Variants in GRAMD1B observed in about 807,000 individuals in gnomAD.
GRAMD1B encodes the protein GRAM domain containing 1B.
Under a neutral mutation model 99.7 loss-of-function variants are expected in GRAMD1B, and 37 were observed. The observed-to-expected ratio is 0.37, with a 90% CI of 0.29 to 0.49. GRAMD1B has a LOEUF of 0.49. Ranked by LOEUF, GRAMD1B falls within the 20% of genes least tolerant of loss-of-function variation. The pLI is 0.98. For synonymous variants in GRAMD1B, 427 were observed against 387.6 expected, an observed-to-expected ratio of 1.10 and a Z score of -1.19; for missense variants, 888 against 1,009.2, an observed-to-expected ratio of 0.88 and a Z score of 1.63.
chr11:123,478,533 C>T (rs1429450492), intron 1 of GRAMD1B, among the ~76,000 whole-genome samples: 2 of 152,162 alleles, frequency 1.3e-5, no homozygotes, highest in African/African-American at 4.8e-5. Flanking sequence ...GGTTCCGGTT[C>T]CTGAGGCTCC....
intron 1 of GRAMD1B, among the ~76,000 whole-genome samples, chr11:123,444,583 G>GTGT (rs1400793944): frequency 2.6e-5 from 4 of 152,088 alleles, no homozygotes; most frequent in African/African-American, 7.2e-5. Context: ...TCCATGGCCC[G>GTGT]AATTAGTTTT....
At chr11:123,373,436 C>T (rs1366121828) in intron 1 of GRAMD1B, among the ~76,000 whole-genome samples, 2 of 152,264 alleles carry the variant, frequency 1.3e-5, no homozygotes, top group East Asian at 1.9e-4. Flanking sequence ...AGAACTCTGG[C>T]GTTCCCTTTC....
intron 1 of GRAMD1B, among the ~76,000 whole-genome samples, chr11:123,410,225 A>C (rs1947994139): frequency 6.6e-6 from 1 of 152,088 alleles, no homozygotes; most frequent in Non-Finnish European, 1.5e-5. Flanking sequence ...AAACAAAAAA[A>C]CAGAAACAAA....
rs562038776 is a variant in GRAMD1B at position 123,509,608 on chromosome 11, G to T, written c.452+28715G>T. Reference sequence around the variant, plus strand: ...CTCTGGCACCGCAAACACACACAGTGAATATATGTACTGTGTTTTAAGTAG... The same window carrying T: ...CTCTGGCACCGCAAACACACACAGTTAATATATGTACTGTGTTTTAAGTAG... On this transcript the variant is annotated intron_variant, in intron 2 of 19. Coordinates refer to ENST00000635736, the MANE Select transcript of GRAMD1B (RefSeq NM_001387025.1). 7.2e-5 allele frequency among the ~76,000 whole-genome samples: 11 copies of T among 152,370 alleles called. No individual in the cohort carries two copies. In the East Asian group the frequency reaches 2.1e-3, roughly 29 times the overall value.
At chr11:123,577,796 G>A (rs561779732) in intron 3 of GRAMD1B, among the ~76,000 whole-genome samples, 1 of 146,458 alleles carries the variant, frequency 6.8e-6, no homozygotes, top group Admixed American at 7.0e-5. Context: ...GGGCGAGGTA[G>A]GGAGGCTCAT....
At chr11:123,504,446 C>T (rs977346455) in intron 2 of GRAMD1B, among the ~76,000 whole-genome samples, 1 of 152,190 alleles carries the variant, frequency 6.6e-6, no homozygotes, top group African/African-American at 2.4e-5. Flanking sequence ...TTCTCACCAC[C>T]TGTGTTCCTC....
chr11:123,438,697 A>T (rs571851066), intron 1 of GRAMD1B, among the ~76,000 whole-genome samples: 5 of 152,210 alleles, frequency 3.3e-5, no homozygotes, highest in Non-Finnish European at 7.4e-5. Context: ...TGCCAATTAC[A>T]CATCAGGTAA....
intron 1 of GRAMD1B, among the ~76,000 whole-genome samples, chr11:123,452,645 CA>C (rs556959788): frequency 2.1e-5 from 3 of 142,806 alleles, no homozygotes; most frequent in East Asian, 2.0e-4. Flanking sequence ...GACTCTGTCT[CA>C]AAAAAAAAAG....
chr11:123,531,286 G>A (rs527250896), intron 2 of GRAMD1B, among the ~76,000 whole-genome samples: 5 of 152,254 alleles, frequency 3.3e-5, no homozygotes, highest in South Asian at 2.1e-4. Context: ...AGCTCAGGGC[G>A]AGGACTGAAA....
intron 2 of GRAMD1B, among the ~76,000 whole-genome samples, chr11:123,565,101 A>G (rs943142014): frequency 2.0e-5 from 3 of 152,098 alleles, no homozygotes; most frequent in Non-Finnish European, 4.4e-5. Flanking sequence ...TGGTGTGACC[A>G]TAGCTTACTG....
Position 123,609,843 on chromosome 11 carries a change from G to A in GRAMD1B, c.1706G>A (p.Arg569Gln), listed in dbSNP as rs1953298497. 6.2e-7 allele frequency: 1 copy of A among 1,604,774 alleles called. No homozygotes were observed. The highest frequency in any genetic ancestry group is 8.5e-7 in the Non-Finnish European group (1 of 1,175,398). The change falls in exon 13 of 20, where the codon CGA becomes CAA. Residue 569 changes from arginine (R) to glutamine (Q), a missense_variant. Coordinates refer to ENST00000635736, the MANE Select transcript of GRAMD1B (RefSeq NM_001387025.1). ...WKKEENGNQS[R>Q]VILYTITLTN... Reference sequence around the variant, plus strand: ...AAGGAGGAGAATGGAAACCAGAGCCGAGTGATTCTTTACACCATCACCCTT... The same window carrying A: ...AAGGAGGAGAATGGAAACCAGAGCCAAGTGATTCTTTACACCATCACCCTT...
chr11:123,467,725 G>T (rs1211023856), intron 1 of GRAMD1B, among the ~76,000 whole-genome samples: 1 of 152,176 alleles, frequency 6.6e-6, no homozygotes, highest in African/African-American at 2.4e-5. Flanking sequence ...CATATCAGGA[G>T]TGGTGGGTTC....
chr11:123,606,482 C>G lies in GRAMD1B; in HGVS notation c.1324-127C>G, dbSNP rs572600797. ...TGGGGAAGGGCTTTGGAGCCTGACT[C>G]TGACTTCGCTCCTGAGCAGCTGAGC... On this transcript the variant is annotated intron_variant, in intron 10 of 19. Transcript: ENST00000635736. 1.7e-5 allele frequency: 14 copies of G among 803,860 alleles called. No homozygotes were observed. The South Asian group carries it at 2.3e-4, about 13-fold the overall frequency. The allele number at this position is 803,860 out of a possible 1,614,324, so 49.8% of individuals were successfully genotyped here.
At chr11:123,571,769 C>T (rs1191941072) in intron 2 of GRAMD1B, among the ~76,000 whole-genome samples, 2 of 152,040 alleles carry the variant, frequency 1.3e-5, no homozygotes, top group African/African-American at 4.8e-5. Flanking sequence ...TCCATATATC[C>T]CATGCTATTT....
At chr11:123,530,848 C>G (rs1943288017) in intron 2 of GRAMD1B, among the ~76,000 whole-genome samples, 1 of 152,134 alleles carries the variant, frequency 6.6e-6, no homozygotes, top group African/African-American at 2.4e-5. Flanking sequence ...AGAGCTGACT[C>G]CTGAACCAGA....
chr11:123,560,075 C>CA (rs1491025767), intron 2 of GRAMD1B, among the ~76,000 whole-genome samples: 2 of 142,248 alleles, frequency 1.4e-5, no homozygotes, highest in South Asian at 2.1e-4. Context: ...ACCCCCCCCC[C>CA]CGCAGCCCCA....
chr11:123,611,323 A>C (rs1252993708), intron 14 of GRAMD1B, among the ~76,000 whole-genome samples: 4 of 151,932 alleles, frequency 2.6e-5, no homozygotes, highest in Non-Finnish European at 5.9e-5. Context: ...AGTCCCAGCT[A>C]CTCGGGAGGC....
At chr11:123,560,068 C>CA (rs1363703802) in intron 2 of GRAMD1B, among the ~76,000 whole-genome samples, 1 of 91,300 alleles carries the variant, frequency 1.1e-5, no homozygotes, top group Non-Finnish European at 2.5e-5. Context: ...GGAAATAACC[C>CA]CCCCCCCCGC....
chr11:123,442,819 T>G (rs1949470537), intron 1 of GRAMD1B, among the ~76,000 whole-genome samples: 1 of 151,688 alleles, frequency 6.6e-6, no homozygotes, highest in Non-Finnish European at 1.5e-5. Context: ...TTCTGGTTAT[T>G]TCTTGAGCAT....
Sources: allele counts gnomAD v4.1 joint callset (sites outside exome capture counted in the v4.1 genomes callset), GRCh38; gene constraint gnomAD v4.1.1; transcripts MANE v1.5; gene names NCBI Gene and HGNC (gene_info 2026-07-23, HGNC 2026-07-21).